The following TLL2 variants were observed in gnomAD, a reference collection of about 807,000 sequenced individuals.
TLL2 encodes the protein tolloid like 2, also known as tolloid-like protein 2.
TLL2 carries 106 observed loss-of-function variants against 123.0 expected under a neutral mutation model. That is an observed-to-expected ratio of 0.86 (90% confidence interval 0.74 to 1.01). The LOEUF (loss-of-function observed/expected upper bound fraction) is 1.01. Among genes scored for constraint, TLL2 ranks in the 50% least tolerant of loss-of-function variants. TLL2 has a pLI of 0.00. For synonymous variants in TLL2, 494 were observed against 516.8 expected (o/e 0.96, Z 0.60); for missense variants, 1,332 against 1,336.7 (o/e 1.00, Z 0.06).
chr10:96,478,767 A>G (rs1847283350), intron 2 of TLL2, among the ~76,000 whole-genome samples: 1 of 152,168 alleles, frequency 6.6e-6, no homozygotes, highest in African/African-American at 2.4e-5. Context: ...GGGGTGATAG[A>G]GGTCAGACCA....
At chr10:96,460,650 T>C (rs1589428129) in intron 2 of TLL2, among the ~76,000 whole-genome samples, 1 of 152,174 alleles carries the variant, frequency 6.6e-6, no homozygotes, top group Non-Finnish European at 1.5e-5. Flanking sequence ...CATGTGAAGA[T>C]GTGCCTGTTT....
chr10:96,427,097 T>G (rs1846685315), intron 5 of TLL2, among the ~76,000 whole-genome samples: 1 of 152,182 alleles, frequency 6.6e-6, no homozygotes, highest in South Asian at 2.1e-4. Flanking sequence ...AATCTTGCTG[T>G]TTTTATGACC....
intron 2 of TLL2, among the ~76,000 whole-genome samples, chr10:96,473,481 G>A (rs771731474): frequency 1.5e-4 from 23 of 152,246 alleles, no homozygotes; most frequent in East Asian, 1.9e-4. Context: ...ATGATTCAGA[G>A]ACAGGGCCCA....
In TLL2 at chr10:96,481,189, C is replaced by T. The variant is rs796940289; in HGVS notation, c.176-730G>A. Among the ~76,000 whole-genome samples the T allele has an allele frequency of 1.6e-4, 24 of 151,922 alleles. 1 individual carries two copies. Among genetic ancestry groups the T allele is most frequent in the African/African-American group, 5.8e-4 (24 of 41,400 alleles). ...AGAGACAGAGTCTTGCTCTGTAGCC[C>T]AGTCTGGAGTGCAGTGTCACGATCA... On this transcript the variant is annotated intron_variant, in intron 1 of 20. Coordinates refer to ENST00000357947, the MANE Select transcript of TLL2 (RefSeq NM_012465.4).
intron 1 of TLL2, among the ~76,000 whole-genome samples, chr10:96,502,443 T>G (rs1279528002): frequency 2.0e-5 from 3 of 152,130 alleles, no homozygotes; most frequent in Admixed American, 1.3e-4. Context: ...AGGTGTGAGC[T>G]TGGACCAGTG....
intron 2 of TLL2, among the ~76,000 whole-genome samples, chr10:96,476,857 TACACACACACACACACACACAC>T (rs56240059): frequency 1.7e-5 from 2 of 117,264 alleles, no homozygotes; most frequent in African/African-American, 6.8e-5. Context: ...CCTTTTATGT[TACACACACACACACACACACAC>T]ACACACACAC....
chr10:96,397,830 T>A (rs558742716), intron 10 of TLL2, among the ~76,000 whole-genome samples: 86 of 152,282 alleles, frequency 5.6e-4, no homozygotes, highest in African/African-American at 1.9e-3. Flanking sequence ...ATTTTCCCCA[T>A]CCTGGTAGCC....
Position 96,386,234 on chromosome 10 carries a change from A to C in TLL2, c.1853-19T>G. 2 of 1,543,616 alleles carry C rather than the reference A, an allele frequency of 1.3e-6. No homozygotes were observed. Among genetic ancestry groups the C allele is most frequent in the Non-Finnish European group, 1.7e-6 (2 of 1,142,998 alleles). On this transcript the variant is annotated intron_variant, in intron 14 of 20. Coordinates refer to ENST00000357947, the MANE Select transcript of TLL2 (RefSeq NM_012465.4). ...CAGGCCACTGCACGGGGGAAACAGAAACAGGATTCATTTGGCTTTGGCTCC... is the reference window on the plus strand; with the variant it reads ...CAGGCCACTGCACGGGGGAAACAGACACAGGATTCATTTGGCTTTGGCTCC...
chr10:96,446,557 G>C (rs1231678869), intron 2 of TLL2, among the ~76,000 whole-genome samples: 2 of 152,118 alleles, frequency 1.3e-5, no homozygotes, highest in Non-Finnish European at 2.9e-5. Context: ...GAGTCCGCTT[G>C]GTGCAGAACA....
rs557802529 is a variant in TLL2 at position 96,499,725 on chromosome 10, G to T, written c.175+13786C>A. ...AAAGTCCTTAATTTAGTAGGAAAAG[G>T]GTTCCCACTAAATGTTTTTAACAAT... On this transcript the variant is annotated intron_variant, in intron 1 of 20. Transcript: ENST00000357947. Among the ~76,000 whole-genome samples, 12 of 152,036 alleles carry T rather than the reference G, an allele frequency of 7.9e-5. No homozygotes were observed. In the South Asian group the frequency reaches 2.5e-3, roughly 32 times the overall value.
chr10:96,413,899 C>T (rs1286055394), intron 7 of TLL2, among the ~76,000 whole-genome samples: 1 of 152,176 alleles, frequency 6.6e-6, no homozygotes, highest in African/African-American at 2.4e-5. Context: ...GATTTCTACA[C>T]TAGGCCTGTG....
intron 2 of TLL2, among the ~76,000 whole-genome samples, chr10:96,476,312 C>T (rs1190829116): frequency 2.1e-5 from 3 of 145,868 alleles, no homozygotes; most frequent in African/African-American, 5.1e-5. Flanking sequence ...TGCAGTGGTA[C>T]GATCTTGGCT....
At chr10:96,512,437 T>A (rs1847640961) in intron 1 of TLL2, among the ~76,000 whole-genome samples, 1 of 152,244 alleles carries the variant, frequency 6.6e-6, no homozygotes, top group Non-Finnish European at 1.5e-5. Context: ...GGGCAACCAC[T>A]GGCCCACAGG....
intron 4 of TLL2, among the ~76,000 whole-genome samples, chr10:96,431,824 T>C (rs1178523899): frequency 6.6e-6 from 1 of 152,108 alleles, no homozygotes; most frequent in African/African-American, 2.4e-5. Context: ...CTTCCTGTGA[T>C]GTGTCCCTTG....
Position 96,481,907 on chromosome 10 carries a change from G to A in TLL2, c.176-1448C>T, listed in dbSNP as rs548786271. Among the ~76,000 whole-genome samples the A allele has an allele frequency of 8.5e-5, 13 of 152,298 alleles. No homozygotes were observed. In the South Asian group the frequency reaches 2.7e-3, roughly 32 times the overall value. ...AGAACTTCGAGTAACAGAGGTTGAT[G>A]AAAATTCAGCATTGTAGTGTCAAGA... On this transcript the variant is annotated intron_variant, in intron 1 of 20. Coordinates refer to ENST00000357947, the MANE Select transcript of TLL2 (RefSeq NM_012465.4).
intron 2 of TLL2, among the ~76,000 whole-genome samples, chr10:96,450,066 C>T (rs1846941034): frequency 6.6e-6 from 1 of 152,026 alleles, no homozygotes; most frequent in Admixed American, 6.6e-5. Flanking sequence ...CAATGAATAC[C>T]CAGCACCAGA....
intron 10 of TLL2, among the ~76,000 whole-genome samples, chr10:96,400,396 C>T (rs183760868): frequency 6.7e-6 from 1 of 149,376 alleles, no homozygotes; most frequent in Admixed American, 6.7e-5. Context: ...CCTTCACTGA[C>T]TGAGGCACAG....
chr10:96,387,201 C>T, intron 13 of TLL2, 123 bp from the exon 14 acceptor site: 2 of 1,394,004 alleles, frequency 1.4e-6, no homozygotes, highest in Non-Finnish European at 2.0e-6. Context: ...CTCCTGGTGA[C>T]CACCTCCCAA....
chr10:96,473,427 T>C (rs1228238700), intron 2 of TLL2, among the ~76,000 whole-genome samples: 1 of 152,018 alleles, frequency 6.6e-6, no homozygotes, highest in African/African-American at 2.4e-5. Flanking sequence ...AGAGACTCTG[T>C]CTCAAAAAAT....
Sources: gnomAD v4.1 joint callset for allele counts (sites outside exome capture counted in the v4.1 genomes callset) on GRCh38, gnomAD v4.1.1 for gene constraint, MANE v1.5 for transcripts, NCBI Gene and HGNC (gene_info 2026-07-23, HGNC 2026-07-21) for gene names.